Variants in MARCHF1 observed in about 807,000 individuals in gnomAD.
The protein encoded by MARCHF1 is E3 ubiquitin-protein ligase MARCHF1.
MARCHF1 carries 40 observed loss-of-function variants against 54.2 expected under a neutral mutation model. The observed-to-expected ratio is 0.74, with a 90% CI of 0.57 to 0.96. The LOEUF (loss-of-function observed/expected upper bound fraction) is 0.96, where lower values mean the gene tolerates loss of function less well. Ranked by LOEUF, MARCHF1 falls within the 40% of genes least tolerant of loss-of-function variation. MARCHF1 has a pLI of 0.00. For synonymous variants in MARCHF1, 236 were observed against 236.3 expected (o/e 1.00, Z 0.01); for missense variants, 586 against 656.5 (o/e 0.89, Z 1.17).
At chr4:163,785,746 G>C (rs1174462216) in intron 4 of MARCHF1, among the ~76,000 whole-genome samples, 1 of 151,854 alleles carries the variant, frequency 6.6e-6, no homozygotes, top group African/African-American at 2.4e-5. Flanking sequence ...GAAAAAAAAA[G>C]TCACTGTGAT....
intron 5 of MARCHF1, among the ~76,000 whole-genome samples, chr4:163,636,347 C>T (rs1444382980): frequency 1.4e-5 from 2 of 143,628 alleles, no homozygotes; most frequent in Non-Finnish European, 3.1e-5. Flanking sequence ...TAGAAAACCC[C>T]ATTGTCTCAG....
chr4:163,695,965 C>CT (rs1035173747), intron 5 of MARCHF1, among the ~76,000 whole-genome samples: 1 of 151,922 alleles, frequency 6.6e-6, no homozygotes, highest in African/African-American at 2.4e-5. Flanking sequence ...TGAAAGCTGC[C>CT]TTTTTCACAT....
At chr4:164,092,861 A>T (rs933609161) in intron 2 of MARCHF1, among the ~76,000 whole-genome samples, 31 of 152,256 alleles carry the variant, frequency 2.0e-4, no homozygotes, top group African/African-American at 7.2e-4. Flanking sequence ...GATTATGTCT[A>T]GAACACAGGG....
chr4:163,835,976 A>G (rs141805462), intron 4 of MARCHF1, among the ~76,000 whole-genome samples: 2 of 152,154 alleles, frequency 1.3e-5, no homozygotes, highest in East Asian at 1.9e-4. Flanking sequence ...AAATAATATA[A>G]CAAAGGGCCC....
chr4:163,936,754 T>C (rs1318144561), intron 3 of MARCHF1, among the ~76,000 whole-genome samples: 1 of 152,200 alleles, frequency 6.6e-6, no homozygotes, highest in Non-Finnish European at 1.5e-5. Context: ...TCTGCTAGAA[T>C]GATGTTGATA....
intron 4 of MARCHF1, among the ~76,000 whole-genome samples, chr4:163,806,942 A>G (rs1337635780): frequency 6.6e-6 from 1 of 152,222 alleles, no homozygotes; most frequent in Non-Finnish European, 1.5e-5. Context: ...GAAAGAAAAA[A>G]TGTACACTTA....
intron 4 of MARCHF1, among the ~76,000 whole-genome samples, chr4:163,706,109 T>A (rs1278789536): frequency 6.6e-6 from 1 of 152,072 alleles, no homozygotes; most frequent in Non-Finnish European, 1.5e-5. Flanking sequence ...TTCCTTTGGT[T>A]ATAGGTTGCC....
chr4:164,058,749 A>G (rs571568367), intron 2 of MARCHF1, among the ~76,000 whole-genome samples: 1 of 152,284 alleles, frequency 6.6e-6, no homozygotes, highest in East Asian at 1.9e-4. Flanking sequence ...ATGAGGGGAA[A>G]AGATTTTGTG....
intron 1 of MARCHF1, among the ~76,000 whole-genome samples, chr4:164,306,037 G>A (rs1734688041): frequency 6.6e-6 from 1 of 151,876 alleles, no homozygotes. Context: ...TCTCACTAAT[G>A]CACATATGTC....
intron 8 of MARCHF1, among the ~76,000 whole-genome samples, chr4:163,573,375 A>G (rs1264283574): frequency 6.6e-6 from 1 of 151,146 alleles, no homozygotes; most frequent in African/African-American, 2.4e-5. Flanking sequence ...GGTTAGTTAC[A>G]CGTGTATACA....
At chr4:164,273,889 A>G (rs1458505418) in intron 1 of MARCHF1, among the ~76,000 whole-genome samples, 4 of 152,208 alleles carry the variant, frequency 2.6e-5, no homozygotes, top group Non-Finnish European at 5.9e-5. Flanking sequence ...AAAAGAATAC[A>G]GGCAATTGAG....
In MARCHF1 at chr4:163,612,819, C is replaced by T. The variant is rs940044631; in HGVS notation, c.462G>A (p.Glu154=). The T allele has an allele frequency of 7.8e-6, 12 of 1,535,060 alleles. No individual in the cohort carries two copies. The African/African-American group carries it at 1.4e-4, about 18-fold the overall frequency. ...ATGAATCTGAAGAATCTGTGTAAAG[C>T]TCCCTCCACCTGGGGCTTGAGATTT... ...HLQISSPRWR[E]LYTDSSDSSS... is the part of the protein sequence containing the mutation. Residue 154 remains glutamate (E), a synonymous_variant, in exon 7 of 10, where the codon GAG becomes GAA. Transcript: ENST00000514618.
chr4:164,313,512 A>G (rs960580757), intron 1 of MARCHF1, among the ~76,000 whole-genome samples: 4 of 152,128 alleles, frequency 2.6e-5, no homozygotes, highest in African/African-American at 9.7e-5. Context: ...CTGCTTAGAT[A>G]TATTTTAGAA....
chr4:164,165,544 C>A (rs1730357148), intron 1 of MARCHF1, among the ~76,000 whole-genome samples: 1 of 151,950 alleles, frequency 6.6e-6, no homozygotes, highest in Non-Finnish European at 1.5e-5. Context: ...GTTGTTTAAG[C>A]CGCCCAATCT....
intron 3 of MARCHF1, among the ~76,000 whole-genome samples, chr4:163,877,708 G>A (rs2111234760): frequency 6.6e-6 from 1 of 152,196 alleles, no homozygotes; most frequent in South Asian, 2.1e-4. Flanking sequence ...CTGCTTACAT[G>A]CAAAATATGT....
chr4:163,858,804 A>C (rs897478354), intron 3 of MARCHF1, among the ~76,000 whole-genome samples: 8 of 152,212 alleles, frequency 5.3e-5, no homozygotes, highest in African/African-American at 1.9e-4. Context: ...TCACGTGCTC[A>C]CACACAGTCC....
At position 163,894,954 on chromosome 4, in the gene MARCHF1, C is replaced by CAT. The variant is rs112982651; in HGVS notation, c.-38-40787_-38-40786dup. 2.0e-3 allele frequency among the ~76,000 whole-genome samples: 54 copies of CAT among 27,464 alleles called. 11 individuals are homozygous for CAT. Among genetic ancestry groups the CAT allele is most frequent in the African/African-American group, 9.5e-3 (44 of 4,618 alleles). The allele number at this position is 27,464 out of a possible 152,430, so 18.0% of individuals were successfully genotyped here. ...TGCATATATATATATGCATGTGATG[C>CAT]ATATATATATATGCATGTGATGCAC... is the stretch of plus-strand genomic sequence containing the variant. On this transcript the variant is annotated intron_variant, in intron 3 of 9. Coordinates refer to ENST00000514618, the MANE Select transcript of MARCHF1 (RefSeq NM_001394959.1).
chr4:163,701,935 T>C lies in MARCHF1; in HGVS notation c.112-1072A>G, dbSNP rs570950624. ...GTCATTTTTGAGAACTAAGTTGTTATAACAACCCGTGGGGCTGAAATTGCC... is the reference window on the plus strand; with the variant it reads ...GTCATTTTTGAGAACTAAGTTGTTACAACAACCCGTGGGGCTGAAATTGCC... On this transcript the variant is annotated intron_variant, in intron 4 of 9. Transcript: ENST00000514618. 2.6e-4 allele frequency among the ~76,000 whole-genome samples: 39 copies of C among 152,256 alleles called. 1 individual carries two copies. In the South Asian group the frequency reaches 7.7e-3, roughly 30 times the overall value.
chr4:163,668,285 C>G (rs77534756), intron 5 of MARCHF1, among the ~76,000 whole-genome samples: 647 of 152,268 alleles, frequency 4.2e-3, no homozygotes, highest in African/African-American at 0.014. Context: ...GGGATCCTAA[C>G]CTCAGTGAGG....
Sources: gnomAD v4.1 joint callset for allele counts (sites outside exome capture counted in the v4.1 genomes callset) on GRCh38, gnomAD v4.1.1 for gene constraint, MANE v1.5 for transcripts, NCBI Gene and HGNC (gene_info 2026-07-23, HGNC 2026-07-21) for gene names.